ZGRF1: variants seen among roughly 807,000 people sequenced by gnomAD.
ZGRF1 encodes the protein zinc finger GRF-type containing 1.
Under a neutral mutation model 203.5 loss-of-function variants are expected in ZGRF1, and 196 were observed. The ratio of observed to expected loss-of-function variants is 0.96; its 90% CI spans 0.86 to 1.08. ZGRF1 has a LOEUF of 1.08. Ranked by LOEUF, ZGRF1 falls within the 50% of genes least tolerant of loss-of-function variation. ZGRF1 has a pLI of 0.00. For synonymous variants in ZGRF1, 809 were observed against 841.3 expected, an observed-to-expected ratio of 0.96 and a Z score of 0.66; for missense variants, 2,326 against 2,416.3, an observed-to-expected ratio of 0.96 and a Z score of 0.78.
At chr4:112,551,183 C>T (rs1416683982) in intron 22 of ZGRF1, among the ~76,000 whole-genome samples, 1 of 152,250 alleles carries the variant, frequency 6.6e-6, no homozygotes, top group Non-Finnish European at 1.5e-5. Flanking sequence ...CAATTAAATG[C>T]CTACAGTATT....
chr4:112,585,775 G>GC, intron 13 of ZGRF1, 50 bp from the exon 14 acceptor site: 1 of 1,400,328 alleles, frequency 7.1e-7, no homozygotes, highest in Non-Finnish European at 9.5e-7. Flanking sequence ...AAATAATTTT[G>GC]TTTGTATCAC....
chr4:112,608,844 C>G (rs1751152181), intron 8 of ZGRF1, among the ~76,000 whole-genome samples: 1 of 151,868 alleles, frequency 6.6e-6, no homozygotes, highest in South Asian at 2.1e-4. Flanking sequence ...TGTCAATGAC[C>G]CATGGGTTTG....
intron 10 of ZGRF1, among the ~76,000 whole-genome samples, chr4:112,594,452 G>GTT (rs780636381): frequency 2.1e-5 from 3 of 139,662 alleles, no homozygotes; most frequent in Non-Finnish European, 3.1e-5. Context: ...TTTCGGTTTG[G>GTT]TTTTTTTTTT....
chr4:112,600,325 T>G, intron 10 of ZGRF1, among the ~76,000 whole-genome samples: 1 of 152,136 alleles, frequency 6.6e-6, no homozygotes, highest in Non-Finnish European at 1.5e-5. Context: ...TGAGTGACCT[T>G]GTCATCCAGA....
chr4:112,541,534 G>GC (rs1737603770), intron 24 of ZGRF1, among the ~76,000 whole-genome samples: 1 of 135,278 alleles, frequency 7.4e-6, no homozygotes, highest in Non-Finnish European at 1.6e-5. Flanking sequence ...TTTTTGTTTT[G>GC]TTTTTTTTTT....
At chr4:112,576,883 A>G (rs1187275715) in intron 16 of ZGRF1, among the ~76,000 whole-genome samples, 4 of 152,038 alleles carry the variant, frequency 2.6e-5, no homozygotes, top group Non-Finnish European at 5.9e-5. Context: ...AACTTCCCCA[A>G]TCTAGCAAGG....
intron 6 of ZGRF1, 63 bp downstream of exon 6, chr4:112,617,374 ATCT>A (rs2046915566): frequency 8.4e-7 from 1 of 1,190,546 alleles, no homozygotes; most frequent in African/African-American, 1.5e-5. Context: ...CAGAGCTAAT[ATCT>A]TCTTTCTTTA....
In ZGRF1 at chr4:112,584,031, T is replaced by C. The variant is rs777542407; in HGVS notation, c.4245A>G (p.Leu1415=). Residue 1415 remains leucine (L), a synonymous_variant, in exon 15 of 28, where the codon TTA becomes TTG. Transcript: ENST00000505019. The part of the protein sequence containing the change: ...MVLSDIKSIG[L]YLRSQKIPLY... ...GTGGTATCTTTTGACTTCTTAAATA[T>C]AAGCCAATACTCTTAATATCACTTA... 1.7e-5 allele frequency: 28 copies of C among 1,612,156 alleles called. 1 individual carries two copies. Among genetic ancestry groups the C allele is most frequent in the Middle Eastern group, 1.6e-4 (1 of 6,078 alleles).
intron 10 of ZGRF1, among the ~76,000 whole-genome samples, chr4:112,592,565 T>G (rs1044485823): frequency 6.6e-6 from 1 of 152,168 alleles, no homozygotes; most frequent in Non-Finnish European, 1.5e-5. Context: ...CTATCCCAAT[T>G]CTTGATACAA....
At chr4:112,632,525 A>G (rs1285374446) in intron 2 of ZGRF1, among the ~76,000 whole-genome samples, 1 of 152,226 alleles carries the variant, frequency 6.6e-6, no homozygotes, top group African/African-American at 2.4e-5. Flanking sequence ...TCAGGGGTGC[A>G]GAATGAAGTT....
chr4:112,569,640 T>C (rs1020193729), intron 16 of ZGRF1, among the ~76,000 whole-genome samples: 1 of 152,168 alleles, frequency 6.6e-6, no homozygotes, highest in African/African-American at 2.4e-5. Context: ...CAATTTATTT[T>C]TTAAAAGTAA....
intron 7 of ZGRF1, 142 bp from the exon 8 acceptor site, chr4:112,609,571 C>T (rs866529842): frequency 2.3e-5 from 7 of 300,210 alleles, no homozygotes; most frequent in South Asian, 1.0e-4. Context: ...TCTGGGAGGC[C>T]AAGGTGGGCG....
intron 8 of ZGRF1, among the ~76,000 whole-genome samples, chr4:112,608,394 G>A (rs779622853): frequency 1.3e-5 from 2 of 152,098 alleles, no homozygotes; most frequent in Non-Finnish European, 2.9e-5. Context: ...CGAGGCAGGC[G>A]GATAGCCTGA....
chr4:112,584,230 A>T (rs1746778908), intron 14 of ZGRF1, 56 bp from the exon 15 acceptor site: 1 of 1,263,042 alleles, frequency 7.9e-7, no homozygotes, highest in Non-Finnish European at 1.1e-6. Flanking sequence ...TTATTTTTCG[A>T]TTATTTTTGT....
chr4:112,562,854 C>T lies in ZGRF1; in HGVS notation c.4582+277G>A, dbSNP rs75250096. On this transcript the variant is annotated intron_variant, in intron 17 of 27. Transcript: ENST00000505019. The stretch of plus-strand genomic sequence containing the variant: ...GTAGTATTTGTATAATTTTTAAACA[C>T]TTTCTTGCATTTTTTCCTCAATTAC... Among the ~76,000 whole-genome samples the T allele has an allele frequency of 6.3e-3, 961 of 152,294 alleles. 7 individuals carry two copies. Among genetic ancestry groups the T allele is most frequent in the Admixed American group, 0.015 (232 of 15,290 alleles).
At chr4:112,593,326 T>C (rs1392305319) in intron 10 of ZGRF1, among the ~76,000 whole-genome samples, 1 of 152,204 alleles carries the variant, frequency 6.6e-6, no homozygotes, top group Admixed American at 6.5e-5. Context: ...ATACTTTCAC[T>C]GCCACAATCC....
chr4:112,625,634 C>T (rs958016537), intron 3 of ZGRF1, among the ~76,000 whole-genome samples: 2 of 142,122 alleles, frequency 1.4e-5, no homozygotes, highest in African/African-American at 2.6e-5. Flanking sequence ...TGGTGGCTCA[C>T]GTCTGTAATC....
At chr4:112,572,714 C>A (rs1370171285) in intron 16 of ZGRF1, among the ~76,000 whole-genome samples, 5 of 151,930 alleles carry the variant, frequency 3.3e-5, no homozygotes, top group African/African-American at 1.2e-4. Context: ...AAGAAAAAAA[C>A]CAAATGATCC....
At chr4:112,577,171 T>C (rs1227258939) in intron 16 of ZGRF1, among the ~76,000 whole-genome samples, 1 of 121,136 alleles carries the variant, frequency 8.3e-6, no homozygotes, top group Non-Finnish European at 1.8e-5. Context: ...TCATATCCAG[T>C]CAAACTAAGC....
Sources: allele counts gnomAD v4.1 joint callset (sites outside exome capture counted in the v4.1 genomes callset), GRCh38; gene constraint gnomAD v4.1.1; transcripts MANE v1.5; gene names NCBI Gene and HGNC (gene_info 2026-07-23, HGNC 2026-07-21).